Variants in TDRD3 observed in about 807,000 individuals in gnomAD.
TDRD3 encodes tudor domain containing 3, also known as tudor domain-containing protein 3.
Under a neutral mutation model 86.7 loss-of-function variants are expected in TDRD3, and 45 were observed. The observed-to-expected ratio is 0.52, with a 90% CI of 0.41 to 0.67. The LOEUF (loss-of-function observed/expected upper bound fraction) is 0.67, where lower values mean the gene tolerates loss of function less well. Among genes scored for constraint, TDRD3 ranks in the 30% least tolerant of loss-of-function variants. The pLI is 0.00. For missense variants in TDRD3, 814 were observed against 889.0 expected (o/e 0.92, Z 1.07); for synonymous variants, 298 against 301.7 (o/e 0.99, Z 0.13).
chr13:60,516,649 C>G (rs1051481525), intron 10 of TDRD3, among the ~76,000 whole-genome samples: 1 of 152,134 alleles, frequency 6.6e-6, no homozygotes. Context: ...GAAGTAGTGA[C>G]AGCACCTATT....
intron 3 of TDRD3, among the ~76,000 whole-genome samples, chr13:60,455,023 C>T (rs909801079): frequency 3.9e-5 from 6 of 152,120 alleles, no homozygotes; most frequent in Non-Finnish European, 8.8e-5. Flanking sequence ...AAGCGATTCT[C>T]CTGCCTCAGC....
intron 5 of TDRD3, among the ~76,000 whole-genome samples, chr13:60,477,358 G>A (rs1295139274): frequency 6.6e-6 from 1 of 151,902 alleles, no homozygotes; most frequent in African/African-American, 2.4e-5. Context: ...GACACTACAG[G>A]TGCACACCAC....
At chr13:60,520,308 A>G (rs1330599547) in intron 10 of TDRD3, among the ~76,000 whole-genome samples, 2 of 152,216 alleles carry the variant, frequency 1.3e-5, no homozygotes, top group African/African-American at 4.8e-5. Context: ...TTTATTTAGC[A>G]TAATGGACAT....
intron 1 of TDRD3, among the ~76,000 whole-genome samples, chr13:60,409,634 T>C (rs1160272768): frequency 6.6e-6 from 1 of 152,198 alleles, no homozygotes; most frequent in Non-Finnish European, 1.5e-5. Context: ...CCCTTTGTTT[T>C]GGCCAACCTC....
At chr13:60,518,659 T>C (rs1312681740) in intron 10 of TDRD3, among the ~76,000 whole-genome samples, 2 of 152,214 alleles carry the variant, frequency 1.3e-5, no homozygotes, top group African/African-American at 4.8e-5. Flanking sequence ...TGCCTAGGTA[T>C]GTGCGAGTTC....
At chr13:60,433,194 G>C (rs1338121867) in intron 1 of TDRD3, among the ~76,000 whole-genome samples, 1 of 152,166 alleles carries the variant, frequency 6.6e-6, no homozygotes, top group Non-Finnish European at 1.5e-5. Context: ...GTTCAGATTT[G>C]AATGGGCATT....
chr13:60,560,730 C>G (rs542228338), intron 12 of TDRD3, among the ~76,000 whole-genome samples: 1 of 152,170 alleles, frequency 6.6e-6, no homozygotes, highest in East Asian at 1.9e-4. Context: ...TCATGATATC[C>G]TGTAGAATCA....
chr13:60,409,627 T>C (rs897293139), intron 1 of TDRD3, among the ~76,000 whole-genome samples: 5 of 152,124 alleles, frequency 3.3e-5, no homozygotes, highest in African/African-American at 1.2e-4. Flanking sequence ...CTGTAACCCC[T>C]TTGTTTTGGC....
chr13:60,431,349 T>C (rs1465798590), intron 1 of TDRD3, among the ~76,000 whole-genome samples: 7 of 151,990 alleles, frequency 4.6e-5, no homozygotes, highest in Non-Finnish European at 7.4e-5. Context: ...GCTGATAGTC[T>C]TCAGCTTTTT....
intron 4 of TDRD3, among the ~76,000 whole-genome samples, chr13:60,466,181 AAAG>A (rs892894648): frequency 1.3e-5 from 2 of 150,642 alleles, no homozygotes; most frequent in African/African-American, 4.9e-5. Flanking sequence ...GTGAACAAAA[AAAG>A]AGCATTATTT....
chr13:60,396,517 G>C (rs1427161505), upstream of TDRD3: 1 of 152,526 alleles, frequency 6.6e-6, no homozygotes, highest in Non-Finnish European at 1.5e-5. Context: ...GGAAGCGGCT[G>C]TGGTTGCCAG....
At chr13:60,558,733 T>C (rs1958259483) in intron 12 of TDRD3, among the ~76,000 whole-genome samples, 1 of 152,162 alleles carries the variant, frequency 6.6e-6, no homozygotes, top group Non-Finnish European at 1.5e-5. Context: ...TGCTAATTTC[T>C]TTCCTCCTTT....
intron 3 of TDRD3, among the ~76,000 whole-genome samples, chr13:60,445,598 A>G (rs1192010181): frequency 6.6e-6 from 1 of 152,022 alleles, no homozygotes; most frequent in African/African-American, 2.4e-5. Flanking sequence ...ACCTCAAACA[A>G]CCTCTACTCC....
At chr13:60,450,661 A>G (rs1470856269) in intron 3 of TDRD3, among the ~76,000 whole-genome samples, 1 of 152,172 alleles carries the variant, frequency 6.6e-6, no homozygotes, top group Non-Finnish European at 1.5e-5. Context: ...CGGTGTCTGA[A>G]TGTGTATTTG....
At chr13:60,551,736 A>C (rs561989272) in intron 12 of TDRD3, among the ~76,000 whole-genome samples, 1 of 152,340 alleles carries the variant, frequency 6.6e-6, no homozygotes. Context: ...AAGAGGTTTA[A>C]TTGACTCACA....
intron 1 of TDRD3, among the ~76,000 whole-genome samples, chr13:60,423,170 T>A (rs1477825843): frequency 6.6e-6 from 1 of 152,160 alleles, no homozygotes; most frequent in African/African-American, 2.4e-5. Context: ...AGTATGAATT[T>A]GGGATTTTAT....
intron 1 of TDRD3, among the ~76,000 whole-genome samples, chr13:60,436,998 C>G (rs1955126800): frequency 7.7e-6 from 1 of 129,204 alleles, no homozygotes; most frequent in South Asian, 2.7e-4. Context: ...TTGTCTAGTT[C>G]TGCTTTTGTC....
At chr13:60,516,898 A>G (rs1006318081) in intron 10 of TDRD3, among the ~76,000 whole-genome samples, 2 of 152,182 alleles carry the variant, frequency 1.3e-5, no homozygotes, top group East Asian at 1.9e-4. Context: ...TCAAACCACA[A>G]ATTTGATCAC....
chr13:60,422,896 A>G (rs1323241303), intron 1 of TDRD3, among the ~76,000 whole-genome samples: 1 of 152,190 alleles, frequency 6.6e-6, no homozygotes, highest in Non-Finnish European at 1.5e-5. Context: ...CTAAAACTAT[A>G]ATTCAAGAAA....
Sources: gnomAD v4.1 joint callset for allele counts (sites outside exome capture counted in the v4.1 genomes callset) on GRCh38, gnomAD v4.1.1 for gene constraint, MANE v1.5 for transcripts, NCBI Gene and HGNC (gene_info 2026-07-23, HGNC 2026-07-21) for gene names.